CCN4: variants seen among roughly 807,000 people sequenced by gnomAD.
CCN4 encodes CCN family member 4.
In CCN4, 30 loss-of-function variants were observed where a neutral mutation model predicts 36.7. The ratio of observed to expected loss-of-function variants is 0.82; its 90% CI spans 0.61 to 1.11. CCN4 has a LOEUF of 1.11. CCN4 is among the 50% of genes least tolerant of loss of function. CCN4 has a pLI of 0.00. For missense variants in CCN4, 505 were observed against 504.9 expected (o/e 1.00, Z 0.00); for synonymous variants, 191 against 195.4 (o/e 0.98, Z 0.19).
intron 1 of CCN4, among the ~76,000 whole-genome samples, chr8:133,209,823 A>C (rs1853931312): frequency 6.6e-6 from 1 of 152,188 alleles, no homozygotes; most frequent in African/African-American, 2.4e-5. Context: ...GGCCCTACCT[A>C]GTGCTGCCAC....
At chr8:133,191,599 G>A (rs960054238) in intron 1 of CCN4, among the ~76,000 whole-genome samples, 4 of 152,146 alleles carry the variant, frequency 2.6e-5, no homozygotes, top group Non-Finnish European at 2.9e-5. Context: ...AGCGTAAAGC[G>A]ACGAAGTTGT....
At chr8:133,205,221 C>A (rs1415624101) in intron 1 of CCN4, among the ~76,000 whole-genome samples, 2 of 152,218 alleles carry the variant, frequency 1.3e-5, no homozygotes, top group African/African-American at 4.8e-5. Context: ...AGAGTGGCCA[C>A]CACCTCTGTC....
At chr8:133,215,543 G>T (rs984012246) in intron 2 of CCN4, among the ~76,000 whole-genome samples, 2 of 152,048 alleles carry the variant, frequency 1.3e-5, no homozygotes, top group African/African-American at 4.8e-5. Flanking sequence ...TTCTGTCATG[G>T]ATCCAAAGAT....
chr8:133,229,081 T>C lies in CCN4; in HGVS notation c.*1371T>C, dbSNP rs530090955. The C allele has an allele frequency of 1.3e-5, 2 of 152,236 alleles. No homozygotes were observed. Among genetic ancestry groups the C allele is most frequent in the Non-Finnish European group, 2.9e-5 (2 of 68,040 alleles). 9.4% of individuals were successfully genotyped at this position (152,236 alleles called of 1,614,324 possible). On this transcript the variant is annotated 3_prime_UTR_variant, in exon 5 of 5. Coordinates refer to ENST00000250160, the MANE Select transcript of CCN4 (RefSeq NM_003882.4). Reference sequence around the variant, plus strand: ...CAGACATTGCTCTCAGTGCTTTGCATGTATTAGCTCACTGAATCTTCACGA... The same window carrying C: ...CAGACATTGCTCTCAGTGCTTTGCACGTATTAGCTCACTGAATCTTCACGA...
At chr8:133,200,367 A>G (rs1398992857) in intron 1 of CCN4, among the ~76,000 whole-genome samples, 1 of 152,130 alleles carries the variant, frequency 6.6e-6, no homozygotes, top group Non-Finnish European at 1.5e-5. Flanking sequence ...CCACTACCCC[A>G]TCGGGTAGAT....
intron 2 of CCN4, among the ~76,000 whole-genome samples, chr8:133,219,289 C>T (rs1588201538): frequency 1.3e-5 from 2 of 152,278 alleles, no homozygotes; most frequent in African/African-American, 2.4e-5. Flanking sequence ...TGTCTCCCCT[C>T]CTCAGACCTC....
At chr8:133,204,019 C>T (rs1853679122) in intron 1 of CCN4, among the ~76,000 whole-genome samples, 1 of 152,142 alleles carries the variant, frequency 6.6e-6, no homozygotes, top group South Asian at 2.1e-4. Context: ...ACATTTCCTC[C>T]AGGGCTTTAT....
intron 1 of CCN4, among the ~76,000 whole-genome samples, chr8:133,193,881 G>A (rs563312065): frequency 6.6e-6 from 1 of 152,254 alleles, no homozygotes; most frequent in African/African-American, 2.4e-5. Flanking sequence ...CTGGCTAGTG[G>A]GGCAGGTGAC....
At position 133,227,956 on chromosome 8, in the gene CCN4, C is replaced by A; in HGVS notation, c.*246C>A. 1 of 442,474 alleles carries A rather than the reference C, an allele frequency of 2.3e-6. No homozygotes were observed. The highest frequency in any genetic ancestry group is 4.5e-5 in the South Asian group (1 of 22,260). 27.4% of individuals were successfully genotyped at this position (442,474 alleles called of 1,614,324 possible). ...GCCTGTCTCTAGCTGTTCTGGACTA[C>A]ACCCAAGCCTGATCCAGCCTTTCCA... is the stretch of plus-strand genomic sequence containing the variant. On this transcript the variant is annotated 3_prime_UTR_variant, in exon 5 of 5. Coordinates refer to ENST00000250160, the MANE Select transcript of CCN4 (RefSeq NM_003882.4).
intron 1 of CCN4, among the ~76,000 whole-genome samples, chr8:133,195,276 G>A (rs1853337101): frequency 6.7e-6 from 1 of 149,266 alleles, no homozygotes; most frequent in African/African-American, 2.5e-5. Context: ...GTGTGTGGGT[G>A]GTGTGTGTGT....
intron 1 of CCN4, among the ~76,000 whole-genome samples, chr8:133,203,451 G>C (rs1853660878): frequency 6.6e-6 from 1 of 152,158 alleles, no homozygotes; most frequent in South Asian, 2.1e-4. Context: ...GACACTCTGG[G>C]TCAATAGACC....
intron 4 of CCN4, among the ~76,000 whole-genome samples, chr8:133,227,176 G>A (rs1243215266): frequency 6.6e-6 from 1 of 152,180 alleles, no homozygotes; most frequent in Non-Finnish European, 1.5e-5. Flanking sequence ...ACTGCAGGCT[G>A]TGAGATACAA....
intron 1 of CCN4, among the ~76,000 whole-genome samples, chr8:133,210,276 G>A (rs1390549322): frequency 1.3e-5 from 2 of 152,108 alleles, no homozygotes; most frequent in Non-Finnish European, 2.9e-5. Flanking sequence ...CCAAGAGCAC[G>A]TCCTGAGTGT....
In CCN4 at chr8:133,230,320, GAAT is replaced by G. The variant is rs1316502265; in HGVS notation, c.*2616_*2618del. The stretch of plus-strand genomic sequence containing the variant: ...TGTGGCCTGATTCAATAAAAATTAA[GAAT>G]AATAAATATAATGGAAAAAAATCTC... On this transcript the variant is annotated 3_prime_UTR_variant, in exon 5 of 5. Coordinates refer to ENST00000250160, the MANE Select transcript of CCN4 (RefSeq NM_003882.4). 2 of 152,170 alleles carry G rather than the reference GAAT, an allele frequency of 1.3e-5. No individual in the cohort carries two copies. The highest frequency in any genetic ancestry group is 2.1e-4 in the South Asian group (1 of 4,838). 9.4% of individuals were successfully genotyped at this position (152,170 alleles called of 1,614,324 possible).
chr8:133,220,943 T>C, intron 3 of CCN4, 102 bp downstream of exon 3: 1 of 1,430,880 alleles, frequency 7.0e-7, no homozygotes, highest in Non-Finnish European at 9.3e-7. Flanking sequence ...CCCAGTCCAC[T>C]ACCTACTAGC....
chr8:133,203,811 C>T (rs568514150), intron 1 of CCN4, among the ~76,000 whole-genome samples: 1 of 152,290 alleles, frequency 6.6e-6, no homozygotes, highest in Admixed American at 6.5e-5. Flanking sequence ...ATATCCTGGG[C>T]AGTCCACCCC....
At chr8:133,219,574 A>T (rs1854443778) in intron 2 of CCN4, among the ~76,000 whole-genome samples, 1 of 152,234 alleles carries the variant, frequency 6.6e-6, no homozygotes, top group Non-Finnish European at 1.5e-5. Flanking sequence ...CTCTATTCAC[A>T]TCATTCTAGA....
intron 3 of CCN4, among the ~76,000 whole-genome samples, chr8:133,224,221 C>T (rs2977546): frequency 1 from 132,592 of 132,652 alleles, 66,267 homozygotes; most frequent in Middle Eastern, 1. Context: ...ATTTGAAGCC[C>T]GTAAGTCCTT....
In CCN4 at chr8:133,225,592, A is replaced by T. The variant is rs551145920; in HGVS notation, c.804+9A>T. The stretch of plus-strand genomic sequence containing the variant: ...TCCATACACTCATTAAGGTGGGTCC[A>T]GAGCAGGTGTGGATGTCTAGACTTC... On this transcript the variant is annotated intron_variant, in intron 4 of 4. Transcript: ENST00000250160. The T allele has an allele frequency of 6.4e-7, 1 of 1,568,254 alleles. No individual in the cohort carries two copies. The highest frequency in any genetic ancestry group is 1.2e-5 in the South Asian group (1 of 85,184).
Sources: gnomAD v4.1 joint callset for allele counts (sites outside exome capture counted in the v4.1 genomes callset) on GRCh38, gnomAD v4.1.1 for gene constraint, MANE v1.5 for transcripts, NCBI Gene and HGNC (gene_info 2026-07-23, HGNC 2026-07-21) for gene names.